The following ASNS variants were observed in gnomAD, a reference collection of about 807,000 sequenced individuals.
ASNS encodes the protein asparagine synthetase [glutamine-hydrolyzing].
ASNS carries 37 observed loss-of-function variants against 62.6 expected under a neutral mutation model. That is an observed-to-expected ratio of 0.59 (90% CI 0.45 to 0.78). The LOEUF is 0.78. Ranked by LOEUF, ASNS falls within the 30% of genes least tolerant of loss-of-function variation. The pLI is 0.00. For synonymous variants in ASNS, 207 were observed against 237.9 expected (o/e 0.87, Z 1.19); for missense variants, 520 against 682.4 (o/e 0.76, Z 2.65).
the ASNS span, among the ~76,000 whole-genome samples, chr7:97,917,786 C>A: frequency 6.6e-6 from 1 of 152,210 alleles, no homozygotes; most frequent in African/African-American, 2.4e-5. Flanking sequence ...GGTAAAGCCA[C>A]AGTCTAGCAA....
the ASNS span, among the ~76,000 whole-genome samples, chr7:97,887,573 G>A: frequency 5.3e-5 from 8 of 152,242 alleles, no homozygotes; most frequent in South Asian, 4.1e-4. Flanking sequence ...AATTGTGCTC[G>A]CTCACTCCTG....
intron 3 of ASNS, among the ~76,000 whole-genome samples, chr7:97,868,532 T>TGTGTGC (rs1298956219): frequency 1.6e-5 from 2 of 121,374 alleles, no homozygotes; most frequent in Non-Finnish European, 3.6e-5. Context: ...TGTGTGTGTG[T>TGTGTGC]GTGTGTGTGT....
the ASNS span, among the ~76,000 whole-genome samples, chr7:97,894,433 T>C: frequency 7.2e-6 from 1 of 138,612 alleles, no homozygotes; most frequent in East Asian, 2.1e-4. Context: ...TAAAAGTTGG[T>C]TTTTTGAAAA....
the ASNS span, among the ~76,000 whole-genome samples, chr7:97,927,579 G>T: frequency 2.0e-5 from 3 of 152,256 alleles, no homozygotes; most frequent in East Asian, 5.8e-4. Flanking sequence ...CTGGTATCCT[G>T]GTCTTTGGCA....
the ASNS span, among the ~76,000 whole-genome samples, chr7:97,896,728 A>ACACAC: frequency 7.5e-5 from 4 of 53,604 alleles, no homozygotes; most frequent in African/African-American, 2.7e-4. Flanking sequence ...ACACACACAC[A>ACACAC]CACACACACA....
the ASNS span, among the ~76,000 whole-genome samples, chr7:97,887,215 G>A: frequency 6.6e-5 from 10 of 152,224 alleles, no homozygotes; most frequent in African/African-American, 1.4e-4. Flanking sequence ...ATGTGGAGTC[G>A]GCCGTGCACA....
chr7:97,880,313 G>A, the ASNS span, among the ~76,000 whole-genome samples: 4 of 152,106 alleles, frequency 2.6e-5, no homozygotes, highest in Admixed American at 1.3e-4. Context: ...TGGTAGAGAC[G>A]GGGTTTACTC....
the ASNS span, among the ~76,000 whole-genome samples, chr7:97,915,555 G>C: frequency 1.3e-5 from 2 of 152,194 alleles, no homozygotes; most frequent in African/African-American, 4.8e-5. Context: ...AGCCGTAGCT[G>C]AGCTAGTGTC....
At chr7:97,920,374 C>T in the ASNS span, among the ~76,000 whole-genome samples, 1 of 152,174 alleles carries the variant, frequency 6.6e-6, no homozygotes, top group African/African-American at 2.4e-5. Flanking sequence ...TCCTGCCCCC[C>T]TCCAGAGCTG....
intron 4 of ASNS, among the ~76,000 whole-genome samples, chr7:97,862,424 C>CA (rs1260747444): frequency 6.6e-6 from 1 of 152,000 alleles, no homozygotes; most frequent in East Asian, 1.9e-4. Context: ...AGAGAGAAAG[C>CA]AAAAAGATCA....
At chr7:97,905,490 T>G in the ASNS span, among the ~76,000 whole-genome samples, 1 of 152,104 alleles carries the variant, frequency 6.6e-6, no homozygotes, top group African/African-American at 2.4e-5. Context: ...TATTTTTAAG[T>G]ATCACAAATA....
chr7:97,869,814 C>G lies in ASNS; in HGVS notation c.-59-1G>C. 1 of 117,432 alleles carries G rather than the reference C, an allele frequency of 8.5e-6. No homozygotes were observed. Among genetic ancestry groups the G allele is most frequent in the East Asian group, 2.6e-4 (1 of 3,798 alleles). 7.3% of individuals were successfully genotyped at this position (117,432 alleles called of 1,614,324 possible). ...TTATTCAGATGTGATTGAAGAAAATCTAAAGGGAAAAAAAAAACAATTTAA... is the reference window on the plus strand; with the variant it reads ...TTATTCAGATGTGATTGAAGAAAATGTAAAGGGAAAAAAAAAACAATTTAA... On this transcript the variant is annotated splice_acceptor_variant, in intron 1 of 12. Coordinates refer to ENST00000394308, the MANE Select transcript of ASNS (RefSeq NM_001673.5). LOFTEE classifies it low-confidence loss of function (5UTR_SPLICE).
chr7:97,860,018 C>T (rs1257257499), intron 4 of ASNS, among the ~76,000 whole-genome samples: 1 of 152,210 alleles, frequency 6.6e-6, no homozygotes, highest in Non-Finnish European at 1.5e-5. Flanking sequence ...ATCTTTGATA[C>T]AAACATCAAT....
intron 1 of ASNS, among the ~76,000 whole-genome samples, chr7:97,870,633 C>T (rs1049846092): frequency 1.4e-4 from 22 of 152,276 alleles, no homozygotes; most frequent in Middle Eastern, 3.4e-3. Context: ...TAGCCTATAA[C>T]AAATTATTTG....
the ASNS span, among the ~76,000 whole-genome samples, chr7:97,890,703 T>C: frequency 6.6e-6 from 1 of 152,006 alleles, no homozygotes. Context: ...GCTATGATCA[T>C]GCCACTGTAC....
chr7:97,868,518 C>CGTGTGTGTGTGTGTGTGTGTGT (rs543590888), intron 3 of ASNS, among the ~76,000 whole-genome samples: 1 of 62,060 alleles, frequency 1.6e-5, no homozygotes, highest in Admixed American at 2.0e-4. Context: ...TCAGCAAAAA[C>CGTGTGTGTGTGTGTGTGTGTGT]ATGTGTGTGT....
chr7:97,873,508 T>C (rs1792369942), upstream of ASNS, among the ~76,000 whole-genome samples: 1 of 152,218 alleles, frequency 6.6e-6, no homozygotes, highest in Non-Finnish European at 1.5e-5. Context: ...AGATGACTTG[T>C]TCTAAGGTTC....
At chr7:97,886,917 G>A in the ASNS span, among the ~76,000 whole-genome samples, 1 of 152,180 alleles carries the variant, frequency 6.6e-6, no homozygotes, top group South Asian at 2.1e-4. Flanking sequence ...AAGGAAAACA[G>A]CTCTAACAAC....
At chr7:97,856,843 A>G (rs1287998697) in intron 7 of ASNS, 27 bp from the exon 8 acceptor site, 2 of 1,561,376 alleles carry the variant, frequency 1.3e-6, no homozygotes, top group Non-Finnish European at 1.7e-6. Context: ...ATACCCATTT[A>G]CTTGTTAAAG....
Sources: allele counts gnomAD v4.1 joint callset (sites outside exome capture counted in the v4.1 genomes callset), GRCh38; gene constraint gnomAD v4.1.1; transcripts MANE v1.5; gene names NCBI Gene and HGNC (gene_info 2026-07-23, HGNC 2026-07-21).